Variants in BMAL2 observed in about 807,000 individuals in gnomAD.
The protein encoded by BMAL2 is basic helix-loop-helix ARNT like 2.
the BMAL2 span, among the ~76,000 whole-genome samples, chr12:27,376,925 CG>C: frequency 7.2e-6 from 1 of 139,356 alleles, no homozygotes; most frequent in African/African-American, 2.7e-5. Context: ...GGCGTGAACT[CG>C]GGAGGCAGAG....
the BMAL2 span, chr12:27,333,130 GC>G: frequency 8.3e-7 from 1 of 1,204,178 alleles, no homozygotes. Context: ...CGAGGCGACG[GC>G]CCCAGGTGGG....
chr12:27,401,195 A>T, the BMAL2 span: 1 of 1,278,558 alleles, frequency 7.8e-7, no homozygotes, highest in Non-Finnish European at 1.1e-6. Context: ...ATGTGGGCCT[A>T]CAGTCTTCTG....
At chr12:27,358,799 C>T in the BMAL2 span, among the ~76,000 whole-genome samples, 1 of 152,074 alleles carries the variant, frequency 6.6e-6, no homozygotes, top group Non-Finnish European at 1.5e-5. Flanking sequence ...GGTACTAAAT[C>T]TTAACTTTTT....
chr12:27,386,872 C>T, the BMAL2 span, among the ~76,000 whole-genome samples: 20 of 152,132 alleles, frequency 1.3e-4, no homozygotes, highest in Admixed American at 1.0e-3. Flanking sequence ...CTCAAGAGAT[C>T]CACCTGCCTC....
At chr12:27,401,226 T>G in the BMAL2 span, 1 of 1,546,680 alleles carries the variant, frequency 6.5e-7, no homozygotes, top group African/African-American at 1.4e-5. Flanking sequence ...CACTCACCAC[T>G]TCTGAAGTTT....
At chr12:27,424,854 T>C in the BMAL2 span, 5 of 152,238 alleles carry the variant, frequency 3.3e-5, no homozygotes, top group South Asian at 2.1e-4. Flanking sequence ...ATCTTTTTTT[T>C]CCAAGCTCCA....
the BMAL2 span, among the ~76,000 whole-genome samples, chr12:27,386,253 G>A: frequency 6.6e-6 from 1 of 152,136 alleles, no homozygotes; most frequent in Non-Finnish European, 1.5e-5. Flanking sequence ...GATTTTTGAA[G>A]GTGGCAAAAT....
chr12:27,400,706 T>G, the BMAL2 span: 4 of 1,613,718 alleles, frequency 2.5e-6, no homozygotes, highest in South Asian at 1.1e-5. Context: ...GTGGAGAGAT[T>G]AATGTGAAAC....
chr12:27,334,776 G>A, the BMAL2 span, among the ~76,000 whole-genome samples: 9 of 152,212 alleles, frequency 5.9e-5, no homozygotes, highest in East Asian at 1.7e-3. Context: ...TTTCTGTGCG[G>A]GCTGGGAGAG....
the BMAL2 span, among the ~76,000 whole-genome samples, chr12:27,404,714 G>A: frequency 6.6e-6 from 1 of 152,192 alleles, no homozygotes; most frequent in Admixed American, 6.5e-5. Flanking sequence ...TCCAGCTGAG[G>A]TACTGGGTTC....
the BMAL2 span, chr12:27,421,949 A>G: frequency 6.6e-6 from 1 of 152,210 alleles, no homozygotes; most frequent in African/African-American, 2.4e-5. Context: ...ATTGCCTGTA[A>G]CCAAAGGTAA....
At chr12:27,390,381 C>A in the BMAL2 span, 1 of 893,100 alleles carries the variant, frequency 1.1e-6, no homozygotes, top group Non-Finnish European at 1.7e-6. Flanking sequence ...TTTTTTTAAA[C>A]CAAAATTACT....
the BMAL2 span, among the ~76,000 whole-genome samples, chr12:27,407,393 C>T: frequency 6.6e-6 from 1 of 152,194 alleles, no homozygotes; most frequent in Non-Finnish European, 1.5e-5. Context: ...AACAAACTAT[C>T]TCTCAGACCA....
At chr12:27,360,051 T>TAAA in the BMAL2 span, among the ~76,000 whole-genome samples, 522 of 115,204 alleles carry the variant, frequency 4.5e-3, 6 homozygotes, top group African/African-American at 0.016. Context: ...AGACCCTATT[T>TAAA]AAAAAAAAAA....
chr12:27,356,811 A>G, the BMAL2 span, among the ~76,000 whole-genome samples: 4 of 152,062 alleles, frequency 2.6e-5, no homozygotes, highest in African/African-American at 7.3e-5. Context: ...GGTTACATGA[A>G]TAAGTTCTTT....
At chr12:27,410,135 A>G in the BMAL2 span, among the ~76,000 whole-genome samples, 3 of 151,728 alleles carry the variant, frequency 2.0e-5, no homozygotes, top group Non-Finnish European at 4.4e-5. Context: ...GAACACTTTT[A>G]CACTGTTGGT....
chr12:27,420,019 G>GCGCACACA, the BMAL2 span, among the ~76,000 whole-genome samples: 6 of 147,478 alleles, frequency 4.1e-5, no homozygotes, highest in African/African-American at 7.6e-5. Flanking sequence ...GTTTGCGCGT[G>GCGCACACA]CACACACACA....
chr12:27,374,427 A>G, the BMAL2 span, among the ~76,000 whole-genome samples: 1 of 152,220 alleles, frequency 6.6e-6, no homozygotes. Context: ...GAGGATGTGC[A>G]TAGGTTGTAT....
the BMAL2 span, among the ~76,000 whole-genome samples, chr12:27,377,000 CAAA>C: frequency 2.2e-5 from 2 of 91,724 alleles, no homozygotes; most frequent in Non-Finnish European, 2.0e-5. Flanking sequence ...AACTCCGTCT[CAAA>C]AAAAAAAAAA....
Sources: allele counts gnomAD v4.1 joint callset (sites outside exome capture counted in the v4.1 genomes callset), GRCh38; gene constraint gnomAD v4.1.1; transcripts MANE v1.5; gene names NCBI Gene and HGNC (gene_info 2026-07-23, HGNC 2026-07-21).